Variants in ATRNL1 observed in about 807,000 individuals in gnomAD.
ATRNL1 encodes the protein attractin-like protein 1.
Under a neutral mutation model 182.7 loss-of-function variants are expected in ATRNL1, and 95 were observed. The ratio of observed to expected loss-of-function variants is 0.52; its 90% CI spans 0.44 to 0.62. The LOEUF is 0.62. ATRNL1 is among the 20% of genes least tolerant of loss of function. The pLI is 0.00. For missense variants in ATRNL1, 1,471 were observed against 1,679.5 expected, an observed-to-expected ratio of 0.88 and a Z score of 2.17; for synonymous variants, 576 against 568.3, an observed-to-expected ratio of 1.01 and a Z score of -0.19.
At chr10:115,558,511 G>C (rs199774991) in intron 26 of ATRNL1, among the ~76,000 whole-genome samples, 4 of 152,222 alleles carry the variant, frequency 2.6e-5, no homozygotes, top group East Asian at 1.9e-4. Context: ...TGTGGCGGAA[G>C]GGGGAGGGCT....
intron 8 of ATRNL1, among the ~76,000 whole-genome samples, chr10:115,190,537 C>T (rs1354394665): frequency 6.6e-6 from 1 of 152,046 alleles, no homozygotes; most frequent in African/African-American, 2.4e-5. Flanking sequence ...GAAATACGCA[C>T]TCCCTATAAT....
chr10:115,102,343 CTT>C (rs1843804039), intron 1 of ATRNL1, among the ~76,000 whole-genome samples: 1 of 152,014 alleles, frequency 6.6e-6, no homozygotes, highest in Non-Finnish European at 1.5e-5. Context: ...TTTTTTGACT[CTT>C]TTCTGTTCCA....
At chr10:115,199,341 C>T (rs966059765) in intron 8 of ATRNL1, among the ~76,000 whole-genome samples, 7 of 151,800 alleles carry the variant, frequency 4.6e-5, no homozygotes, top group South Asian at 4.1e-4. Flanking sequence ...CCAAGATGGG[C>T]GGATCACAAG....
chr10:115,570,452 A>C (rs1555003136), intron 26 of ATRNL1, among the ~76,000 whole-genome samples: 1 of 152,188 alleles, frequency 6.6e-6, no homozygotes, highest in Non-Finnish European at 1.5e-5. Context: ...CTTGATTTCA[A>C]ATTTTGTAAA....
At position 115,519,262 on chromosome 10, in the gene ATRNL1, G is replaced by C; in HGVS notation, c.3655-1G>C. 1 of 1,609,276 alleles carries C rather than the reference G, an allele frequency of 6.2e-7. No individual in the cohort carries two copies. The highest frequency in any genetic ancestry group is 2.2e-5 in the East Asian group (1 of 44,618). The stretch of plus-strand genomic sequence containing the variant: ...CAATTTTTTTTATTTTGATTTTTCA[G>C]ATTGCATTCTCACAACACAATACAA... On this transcript the variant is annotated splice_acceptor_variant, in intron 24 of 28. Coordinates refer to ENST00000355044, the MANE Select transcript of ATRNL1 (RefSeq NM_207303.4). LOFTEE classifies it high-confidence loss of function.
intron 19 of ATRNL1, among the ~76,000 whole-genome samples, chr10:115,389,934 T>A (rs1554953979): frequency 2.0e-5 from 3 of 152,118 alleles, no homozygotes; most frequent in South Asian, 2.1e-4. Flanking sequence ...AATTTACATT[T>A]TCCTAATGAT....
chr10:115,397,767 C>T (rs1195107803), intron 20 of ATRNL1, among the ~76,000 whole-genome samples: 2 of 151,916 alleles, frequency 1.3e-5, no homozygotes, highest in African/African-American at 4.8e-5. Flanking sequence ...CCGGTCTTTG[C>T]TCAAGAATGT....
intron 26 of ATRNL1, among the ~76,000 whole-genome samples, chr10:115,628,158 AAAG>A (rs1207739861): frequency 5.3e-5 from 8 of 151,522 alleles, no homozygotes; most frequent in South Asian, 2.1e-4. Context: ...AAAAAAAAAA[AAAG>A]AAAGAAAAAA....
chr10:115,491,445 C>G (rs559852009), intron 24 of ATRNL1, among the ~76,000 whole-genome samples: 39 of 151,628 alleles, frequency 2.6e-4, no homozygotes, highest in Non-Finnish European at 5.3e-4. Context: ...ATGTCCTGCA[C>G]AGAGTGGAGG....
At chr10:115,733,290 T>C (rs1947853187) in intron 27 of ATRNL1, among the ~76,000 whole-genome samples, 1 of 152,178 alleles carries the variant, frequency 6.6e-6, no homozygotes, top group Non-Finnish European at 1.5e-5. Context: ...ATTTGTAATG[T>C]TTTGATTCTC....
intron 28 of ATRNL1, among the ~76,000 whole-genome samples, chr10:115,852,346 T>C (rs1951076346): frequency 6.6e-6 from 1 of 152,210 alleles, no homozygotes. Context: ...TCTAGAAATA[T>C]TACATAATGT....
chr10:115,919,467 T>C (rs1952978894), intron 28 of ATRNL1, among the ~76,000 whole-genome samples: 1 of 152,138 alleles, frequency 6.6e-6, no homozygotes, highest in South Asian at 2.1e-4. Context: ...ACTTCCCACA[T>C]GTCTATTTCC....
chr10:115,515,825 A>G (rs1850608877), intron 24 of ATRNL1, among the ~76,000 whole-genome samples: 1 of 151,832 alleles, frequency 6.6e-6, no homozygotes, highest in Admixed American at 6.6e-5. Flanking sequence ...CAGTAGCCAT[A>G]TTTTCATCCT....
intron 27 of ATRNL1, among the ~76,000 whole-genome samples, chr10:115,765,022 A>G (rs531269233): frequency 1.3e-5 from 2 of 152,312 alleles, no homozygotes; most frequent in African/African-American, 4.8e-5. Context: ...TTTTAGAGCT[A>G]AATAATATCC....
intron 27 of ATRNL1, among the ~76,000 whole-genome samples, chr10:115,780,515 C>T (rs543397890): frequency 2.9e-4 from 44 of 152,210 alleles, no homozygotes; most frequent in African/African-American, 1.0e-3. Context: ...CTCCCCAAAC[C>T]CCAGGCTGAA....
intron 27 of ATRNL1, among the ~76,000 whole-genome samples, chr10:115,749,887 T>C (rs1948398359): frequency 6.6e-6 from 1 of 151,978 alleles, no homozygotes; most frequent in East Asian, 1.9e-4. Flanking sequence ...GCTTCAAGTT[T>C]CTCATTTGTA....
At chr10:115,094,561 G>T (rs532250141) in intron 1 of ATRNL1, among the ~76,000 whole-genome samples, 47 of 152,284 alleles carry the variant, frequency 3.1e-4, no homozygotes, top group Non-Finnish European at 5.1e-4. Flanking sequence ...ATGTTAATAA[G>T]TAGAGTTTAT....
chr10:115,508,794 A>G (rs984505988), intron 24 of ATRNL1, among the ~76,000 whole-genome samples: 12 of 152,058 alleles, frequency 7.9e-5, no homozygotes, highest in Admixed American at 3.3e-4. Flanking sequence ...CTTCATAACA[A>G]AAGTGCGAGG....
chr10:115,617,157 C>A (rs1223270626), intron 26 of ATRNL1, among the ~76,000 whole-genome samples: 1 of 152,242 alleles, frequency 6.6e-6, no homozygotes, highest in African/African-American at 2.4e-5. Flanking sequence ...CCACCTCTTG[C>A]ACCAGTGTGC....
Sources: allele counts gnomAD v4.1 joint callset (sites outside exome capture counted in the v4.1 genomes callset), GRCh38; gene constraint gnomAD v4.1.1; transcripts MANE v1.5; gene names NCBI Gene and HGNC (gene_info 2026-07-23, HGNC 2026-07-21).